The following GAST variants were observed in gnomAD, a reference collection of about 807,000 sequenced individuals.
The protein encoded by GAST is gastrin.
A neutral mutation model predicts 12.5 loss-of-function variants in GAST; 9 were observed. The ratio of observed to expected loss-of-function variants is 0.72; its 90% CI spans 0.43 to 1.25. The LOEUF (loss-of-function observed/expected upper bound fraction) is 1.25. Ranked by LOEUF, GAST falls within the 50% of genes most tolerant of loss-of-function variation. GAST has a pLI of 0.00. For missense variants in GAST, 121 were observed against 127.7 expected (o/e 0.95, Z 0.25); for synonymous variants, 52 against 51.1 (o/e 1.02, Z -0.08).
intron 1 of GAST, 111 bp from the exon 2 acceptor site, chr17:41,715,321 T>C: frequency 1.3e-6 from 1 of 749,740 alleles, no homozygotes; most frequent in Non-Finnish European, 2.2e-6. Context: ...AAAGAAAGAA[T>C]TGCACACTCA....
In GAST at chr17:41,715,458, G is replaced by A. The variant is rs1555585725; in HGVS notation, c.22G>A (p.Val8Met). 6.2e-7 allele frequency: 1 copy of A among 1,613,970 alleles called. No individual in the cohort carries two copies. ...CGAGATGCAGCGACTGTGTGTGTATGTGCTGATCTTTGCACTGGCTCTGGC... is the reference window on the plus strand; with the variant it reads ...CGAGATGCAGCGACTGTGTGTGTATATGCTGATCTTTGCACTGGCTCTGGC... MQRLCVY[V>M]LIFALALAAF... is the part of the protein sequence containing the mutation. Residue 8 changes from valine (V) to methionine (M), a missense_variant, in exon 2 of 3, where the codon GTG becomes ATG. Coordinates refer to ENST00000329402, the MANE Select transcript of GAST (RefSeq NM_000805.5).
At position 41,715,892 on chromosome 17, in the gene GAST, C is replaced by T; in HGVS notation, c.*20C>T. ...AACTAACAATCCTAGAACCAAGCTT[C>T]AGAGCCTAGCCACCTCCCACCCCAC... On this transcript the variant is annotated 3_prime_UTR_variant, in exon 3 of 3. Coordinates refer to ENST00000329402, the MANE Select transcript of GAST (RefSeq NM_000805.5). The T allele has an allele frequency of 6.4e-7, 1 of 1,570,496 alleles. No homozygotes were observed. The highest frequency in any genetic ancestry group is 8.6e-7 in the Non-Finnish European group (1 of 1,160,250).
In GAST at chr17:41,715,802, G is replaced by A; in HGVS notation, c.236G>A (p.Trp79Ter). 2 of 1,611,728 alleles carry A rather than the reference G, an allele frequency of 1.2e-6. No homozygotes were observed. The highest frequency in any genetic ancestry group is 1.7e-6 in the Non-Finnish European group (2 of 1,179,284). ...GACCCGTCCAAGAAGCAGGGACCAT[G>A]GCTGGAGGAAGAAGAAGAAGCCTAT... ...VADPSKKQGPWLEEEEEAYGW... is the reference protein window; with the variant it reads ...VADPSKKQGP Residue 79 changes from tryptophan to a stop codon, truncating the protein, a stop_gained, in exon 3 of 3, where the codon TGG (tryptophan) becomes TAG (stop). Coordinates refer to ENST00000329402, the MANE Select transcript of GAST (RefSeq NM_000805.5). LOFTEE classifies it high-confidence loss of function.
chr17:41,715,850 G>A lies in GAST; in HGVS notation c.284G>A (p.Arg95His), dbSNP rs781902893. The change falls in exon 3 of 3, where the codon CGC (arginine) becomes CAC (histidine). Residue 95 changes from arginine to histidine, a missense_variant. By Grantham distance (29) the Arg-to-His change is conservative (BLOSUM62 0). Transcript: ENST00000329402. Reference sequence around the variant, plus strand: ...TATGGATGGATGGACTTCGGCCGCCGCAGTGCTGAGGATGAGAACTAACAA... The same window carrying A: ...TATGGATGGATGGACTTCGGCCGCCACAGTGCTGAGGATGAGAACTAACAA... ...EAYGWMDFGRRSAEDEN is the reference protein window; with the variant it reads ...EAYGWMDFGRHSAEDEN 8.7e-6 allele frequency: 14 copies of A among 1,609,430 alleles called. No homozygotes were observed. Among genetic ancestry groups the A allele is most frequent in the Non-Finnish European group, 1.0e-5 (12 of 1,178,424 alleles).
chr17:41,714,762 G>A (rs1337140828), intron 1 of GAST, among the ~76,000 whole-genome samples: 7 of 151,744 alleles, frequency 4.6e-5, no homozygotes, highest in African/African-American at 1.7e-4. Context: ...GCGACAGAGT[G>A]AGACCCTGTC....
intron 1 of GAST, among the ~76,000 whole-genome samples, chr17:41,713,197 G>A (rs1019660668): frequency 7.9e-5 from 12 of 152,026 alleles, no homozygotes; most frequent in Admixed American, 2.0e-4. Flanking sequence ...GATTACAGGC[G>A]TGAGCCACTG....
At chr17:41,715,700 T>G in intron 2 of GAST, 53 bp downstream of exon 2, 1 of 1,602,768 alleles carries the variant, frequency 6.2e-7, no homozygotes, top group Non-Finnish European at 8.5e-7. Flanking sequence ...TTGGCCAAGG[T>G]CTCCCCAGAC....
intron 1 of GAST, among the ~76,000 whole-genome samples, chr17:41,715,005 G>T (rs1343951075): frequency 6.6e-6 from 1 of 152,170 alleles, no homozygotes; most frequent in South Asian, 2.1e-4. Context: ...ACTCCACACA[G>T]AATTGCAGAC....
In GAST at chr17:41,715,629, C is replaced by T. The variant is rs373599038; in HGVS notation, c.193C>T (p.Pro65Ser). 1.1e-5 allele frequency: 17 copies of T among 1,613,400 alleles called. No individual in the cohort carries two copies. In the East Asian group the frequency reaches 1.3e-4, roughly 13 times the overall value. Residue 65 changes from proline (P) to serine (S), a missense_variant, in exon 2 of 3, where the codon CCC (proline) becomes TCC (serine). Physicochemically the swap from Pro to Ser is moderately conservative, Grantham distance 74. Transcript: ENST00000329402. ...HHRRQLGPQG[P>S]PHLVADPSKK... Reference sequence around the variant, plus strand: ...TCGAAGGCAGCTGGGACCCCAGGGTCCCCCACACCTCGTGGCAGGTAGGAG... The same window carrying T: ...TCGAAGGCAGCTGGGACCCCAGGGTTCCCCACACCTCGTGGCAGGTAGGAG...
At chr17:41,715,395 G>C (rs1555585697) in intron 1 of GAST, 37 bp from the exon 2 acceptor site, 3 of 1,541,106 alleles carry the variant, frequency 1.9e-6, no homozygotes, top group Non-Finnish European at 1.8e-6. Context: ...TGTGGGGACA[G>C]CCTCACCCTT....
At chr17:41,712,495 G>A (rs1294105503) in intron 1 of GAST, 108 bp downstream of exon 1, 1 of 152,304 alleles carries the variant, frequency 6.6e-6, no homozygotes, top group Admixed American at 6.5e-5. Context: ...CACCCCTTGG[G>A]GTCTCCAGAG....
At chr17:41,714,108 A>T (rs1910915885) in intron 1 of GAST, among the ~76,000 whole-genome samples, 1 of 152,224 alleles carries the variant, frequency 6.6e-6, no homozygotes, top group South Asian at 2.1e-4. Context: ...CAAAGTGATA[A>T]CATGCGGTCT....
In GAST at chr17:41,712,400, AG is replaced by A. The variant is rs149304568; in HGVS notation, c.-6+15del. 1,714 of 152,540 alleles carry A rather than the reference AG, an allele frequency of 0.011. 20 individuals carry two copies. The highest frequency in any genetic ancestry group is 0.047 in the Middle Eastern group (14 of 296). The allele number at this position is 152,540 out of a possible 1,614,324, so 9.4% of individuals were successfully genotyped here. On this transcript the variant is annotated intron_variant, in intron 1 of 2. Coordinates refer to ENST00000329402, the MANE Select transcript of GAST (RefSeq NM_000805.5). Reference sequence around the variant, plus strand: ...CCCAGCTCTGCAGGTGAGAAAACCCAGGAGGAGAGGGGAGAGGCTAGGAAGT... The same window carrying A: ...CCCAGCTCTGCAGGTGAGAAAACCCAGAGGAGAGGGGAGAGGCTAGGAAGT...
chr17:41,714,469 C>A (rs2143137620), intron 1 of GAST, among the ~76,000 whole-genome samples: 1 of 152,134 alleles, frequency 6.6e-6, no homozygotes, highest in South Asian at 2.1e-4. Flanking sequence ...CTAAAAAGTT[C>A]ACTTTAAATA....
chr17:41,715,402 C>A, intron 1 of GAST, 30 bp from the exon 2 acceptor site: 2 of 1,573,186 alleles, frequency 1.3e-6, no homozygotes, highest in South Asian at 1.1e-5. Context: ...ACAGCCTCAC[C>A]CTTAAGCTAG....
At chr17:41,713,653 C>T (rs971390873) in intron 1 of GAST, among the ~76,000 whole-genome samples, 20 of 152,074 alleles carry the variant, frequency 1.3e-4, no homozygotes, top group Admixed American at 3.3e-4. Flanking sequence ...GTCAGGATCA[C>T]GCCAGCCACT....
intron 1 of GAST, among the ~76,000 whole-genome samples, chr17:41,713,254 C>T (rs1597726257): frequency 6.6e-6 from 1 of 152,116 alleles, no homozygotes; most frequent in Non-Finnish European, 1.5e-5. Context: ...TGTAAAGAGC[C>T]ACATGTGGCT....
At chr17:41,714,539 A>G (rs932574876) in intron 1 of GAST, among the ~76,000 whole-genome samples, 1 of 152,104 alleles carries the variant, frequency 6.6e-6, no homozygotes, top group East Asian at 1.9e-4. Context: ...TGGGAGGCTG[A>G]GGCGGGAGGA....
At chr17:41,715,311 A>G (rs1910945494) in intron 1 of GAST, 121 bp from the exon 2 acceptor site, 7 of 729,438 alleles carry the variant, frequency 9.6e-6, no homozygotes, top group East Asian at 2.6e-5. Context: ...AAAAAAAAAA[A>G]AAGAAAGAAT....
Sources: gnomAD v4.1 joint callset for allele counts (sites outside exome capture counted in the v4.1 genomes callset) on GRCh38, gnomAD v4.1.1 for gene constraint, MANE v1.5 for transcripts, NCBI Gene and HGNC (gene_info 2026-07-23, HGNC 2026-07-21) for gene names.